PDPK1: variants seen among roughly 807,000 people sequenced by gnomAD.
PDPK1 encodes 3-phosphoinositide dependent protein kinase 1.
A neutral mutation model predicts 39.8 loss-of-function variants in PDPK1; 7 were observed. The ratio of observed to expected loss-of-function variants is 0.18; its 90% confidence interval spans 0.10 to 0.33. PDPK1 has a LOEUF of 0.33. Ranked by LOEUF, PDPK1 falls within the 10% of genes least tolerant of loss-of-function variation. PDPK1 has a pLI of 1.00. For missense variants in PDPK1, 182 were observed against 384.7 expected, an observed-to-expected ratio of 0.47 and a Z score of 4.41; for synonymous variants, 118 against 159.1, an observed-to-expected ratio of 0.74 and a Z score of 1.95.
At chr16:2,569,323 CCT>C (rs2066652546) in intron 6 of PDPK1, 1 of 105,772 alleles carries the variant, frequency 9.5e-6, no homozygotes, top group Non-Finnish European at 2.1e-5. Context: ...ACGGCAAAAC[CCT>C]GTCTCTATAT....
Position 2,538,066 on chromosome 16 carries a change from G to A in PDPK1, c.-47G>A, listed in dbSNP as rs1307391984. Reference sequence around the variant, plus strand: ...GGGAGGAGGACGCTGAGGAGGCGCCGAGCCGCGCAGCGCTGCGGGGGAGGC... The same window carrying A: ...GGGAGGAGGACGCTGAGGAGGCGCCAAGCCGCGCAGCGCTGCGGGGGAGGC... On this transcript the variant is annotated 5_prime_UTR_variant, in exon 1 of 14. Coordinates refer to ENST00000342085, the MANE Select transcript of PDPK1 (RefSeq NM_002613.5). The A allele has an allele frequency of 1.3e-5, 13 of 981,054 alleles. No individual in the cohort carries two copies. The highest frequency in any genetic ancestry group is 6.8e-5 in the East Asian group (1 of 14,760). The allele number at this position is 981,054 out of a possible 1,614,324, so 60.8% of individuals were successfully genotyped here.
At chr16:2,595,100 G>T (rs1170597513) in intron 11 of PDPK1, among the ~76,000 whole-genome samples, 1 of 152,214 alleles carries the variant, frequency 6.6e-6, no homozygotes, top group East Asian at 1.9e-4. Context: ...TCCAGCCTGG[G>T]TGACGGAGCA....
At position 2,538,641 on chromosome 16, in the gene PDPK1, A is replaced by C. The variant is rs1307094980; in HGVS notation, c.24+505A>C. On this transcript the variant is annotated intron_variant, in intron 1 of 13. Coordinates refer to ENST00000342085, the MANE Select transcript of PDPK1 (RefSeq NM_002613.5). The stretch of plus-strand genomic sequence containing the variant: ...CAGATTCTTGATGACAGTGGTCGGG[A>C]AAACTCGCCTTTCACGGCCCGGCCA... The C allele has an allele frequency of 6.2e-6, 8 of 1,289,032 alleles. No homozygotes were observed. In the Admixed American group the frequency reaches 1.8e-4, roughly 30 times the overall value. 79.8% of individuals were successfully genotyped at this position (1,289,032 alleles called of 1,614,324 possible). A position where few individuals can be genotyped will look rare whatever the true frequency, so the allele number is the denominator to read the frequency against.
At chr16:2,588,293 C>G (rs2066918299) in intron 11 of PDPK1, among the ~76,000 whole-genome samples, 1 of 152,166 alleles carries the variant, frequency 6.6e-6, no homozygotes, top group Admixed American at 6.5e-5. Context: ...GAGGAGGGCT[C>G]TTGATGGGAG....
intron 7 of PDPK1, chr16:2,580,081 A>G (rs1433843818): frequency 6.7e-6 from 1 of 149,804 alleles, no homozygotes; most frequent in African/African-American, 2.5e-5. Context: ...TGTGCATTTT[A>G]TAGCTGTTTG....
intron 11 of PDPK1, among the ~76,000 whole-genome samples, chr16:2,587,570 G>C (rs983068601): frequency 1.8e-4 from 28 of 152,052 alleles, no homozygotes; most frequent in African/African-American, 6.5e-4. Flanking sequence ...ATGCAGTGGC[G>C]CGATCTCAGC....
intron 11 of PDPK1, 119 bp downstream of exon 11, chr16:2,587,012 C>T (rs1597062578): frequency 2.4e-6 from 2 of 849,162 alleles, no homozygotes; most frequent in East Asian, 4.9e-5. Context: ...GACGCTTGGC[C>T]AAGGAGCACA....
In PDPK1 at chr16:2,601,685, G is replaced by C. The variant is rs2067218948; in HGVS notation, c.*3918G>C. 10 of 97,690 alleles carry C rather than the reference G, an allele frequency of 1.0e-4. No homozygotes were observed. In the South Asian group the frequency reaches 8.3e-3, roughly 81 times the overall value. The allele number at this position is 97,690 out of a possible 1,614,324, so 6.1% of individuals were successfully genotyped here. A position where few individuals can be genotyped will look rare whatever the true frequency, so the allele number is the denominator to read the frequency against. Reference sequence around the variant, plus strand: ...GATTGGGTTTTACAAGAGTGCATTTGTCTCCCCCTTCCACCCGTGGGGCCC... The same window carrying C: ...GATTGGGTTTTACAAGAGTGCATTTCTCTCCCCCTTCCACCCGTGGGGCCC... On this transcript the variant is annotated 3_prime_UTR_variant, in exon 14 of 14. Coordinates refer to ENST00000342085, the MANE Select transcript of PDPK1 (RefSeq NM_002613.5).
At chr16:2,546,693 T>G (rs2066354577) in intron 1 of PDPK1, among the ~76,000 whole-genome samples, 1 of 152,198 alleles carries the variant, frequency 6.6e-6, no homozygotes. Context: ...CCTACTCTCC[T>G]GGTCTCTTTC....
intron 10 of PDPK1, among the ~76,000 whole-genome samples, chr16:2,585,057 G>A (rs1048390158): frequency 6.6e-6 from 1 of 152,230 alleles, no homozygotes; most frequent in African/African-American, 2.4e-5. Flanking sequence ...TTGCTCCCAG[G>A]GAGGTAGCTG....
intron 11 of PDPK1, among the ~76,000 whole-genome samples, chr16:2,590,123 ATGT>A (rs1188524697): frequency 2.0e-5 from 3 of 151,904 alleles, no homozygotes; most frequent in East Asian, 1.9e-4. Context: ...ATCACGGATG[ATGT>A]TCTTTTTTTT....
rs2142016083 is a variant in PDPK1 at position 2,599,864 on chromosome 16, ACT to A, written c.*2100_*2101del. The A allele has an allele frequency of 4.3e-6, 1 of 233,156 alleles. No homozygotes were observed. The highest frequency in any genetic ancestry group is 6.1e-5 in the East Asian group (1 of 16,524). 14.4% of individuals were successfully genotyped at this position (233,156 alleles called of 1,614,324 possible). On this transcript the variant is annotated 3_prime_UTR_variant, in exon 14 of 14. Coordinates refer to ENST00000342085, the MANE Select transcript of PDPK1 (RefSeq NM_002613.5). ...GCACTCGGCTGGGCTGCTTGGGGAG[ACT>A]CTTCCGTGCGTTCTTCCTCTGGATA...
Position 2,592,465 on chromosome 16 carries a change from T to C in PDPK1, c.1344-3328T>C, listed in dbSNP as rs1046938556. On this transcript the variant is annotated intron_variant, in intron 11 of 13. Coordinates refer to ENST00000342085, the MANE Select transcript of PDPK1 (RefSeq NM_002613.5). Reference sequence around the variant, plus strand: ...ATTTTCTGCAGGAGACAGTAGAAAATCAAGGTGATTGCAGCCTGGCCAACA... The same window carrying C: ...ATTTTCTGCAGGAGACAGTAGAAAACCAAGGTGATTGCAGCCTGGCCAACA... 3 of 296,356 alleles carry C rather than the reference T, an allele frequency of 1.0e-5. No homozygotes were observed. In the Admixed American group the frequency reaches 1.5e-4, roughly 15 times the overall value. The allele number at this position is 296,356 out of a possible 1,614,324, so 18.4% of individuals were successfully genotyped here.
In PDPK1 at chr16:2,602,819, G is replaced by C. The variant is rs1597087060; in HGVS notation, c.*5052G>C. On this transcript the variant is annotated 3_prime_UTR_variant, in exon 14 of 14. Transcript: ENST00000342085. ...TATGAAAACAAATGCAATGATACTAGGATATACACTTTTGTATTTTTATTC... is the reference window on the plus strand; with the variant it reads ...TATGAAAACAAATGCAATGATACTACGATATACACTTTTGTATTTTTATTC... The C allele has an allele frequency of 4.3e-6, 1 of 234,140 alleles. No individual in the cohort carries two copies. Among genetic ancestry groups the C allele is most frequent in the Non-Finnish European group, 8.5e-6 (1 of 117,780 alleles). The allele number at this position is 234,140 out of a possible 1,614,324, so 14.5% of individuals were successfully genotyped here.
At chr16:2,541,054 C>T (rs151127534) in intron 1 of PDPK1, among the ~76,000 whole-genome samples, 2 of 152,166 alleles carry the variant, frequency 1.3e-5, no homozygotes, top group Non-Finnish European at 2.9e-5. Flanking sequence ...GTTGCCCTGA[C>T]AGCCAGTCCA....
chr16:2,590,553 T>C (rs1293013827), intron 11 of PDPK1, among the ~76,000 whole-genome samples: 1 of 152,110 alleles, frequency 6.6e-6, no homozygotes, highest in African/African-American at 2.4e-5. Flanking sequence ...CTTGTGGCTG[T>C]TGGCCTGCTG....
chr16:2,551,698 C>CT (rs1237941347), intron 1 of PDPK1, among the ~76,000 whole-genome samples: 3 of 142,760 alleles, frequency 2.1e-5, no homozygotes, highest in South Asian at 2.2e-4. Flanking sequence ...CGGAGTTTCG[C>CT]TTTTTTTACC....
chr16:2,543,776 C>T (rs2066282924), intron 1 of PDPK1, among the ~76,000 whole-genome samples: 1 of 152,216 alleles, frequency 6.6e-6, no homozygotes, highest in Non-Finnish European at 1.5e-5. Context: ...GGCTGGAGTG[C>T]AGTGGCACGA....
Position 2,597,024 on chromosome 16 carries a change from T to G in PDPK1, c.1402-99T>G. 4 of 846,780 alleles carry G rather than the reference T, an allele frequency of 4.7e-6. No homozygotes were observed. Among genetic ancestry groups the G allele is most frequent in the Non-Finnish European group, 7.1e-6 (4 of 562,538 alleles). The allele number at this position is 846,780 out of a possible 1,614,324, so 52.5% of individuals were successfully genotyped here. On this transcript the variant is annotated intron_variant, in intron 12 of 13. Coordinates refer to ENST00000342085, the MANE Select transcript of PDPK1 (RefSeq NM_002613.5). The surrounding 1 kb of genome is among the most constrained non-coding windows in gnomAD (Gnocchi z 6.3). ...TGCACAGGTGGTGGTGGTGGCCCTG[T>G]GTCCTGAGCAGCTCCGAGGGGCCGC...
Sources: gnomAD v4.1 joint callset for allele counts (sites outside exome capture counted in the v4.1 genomes callset) on GRCh38, gnomAD v4.1.1 for gene constraint, Gnocchi (gnomAD v3.1) non-coding constraint, MANE v1.5 for transcripts, NCBI Gene and HGNC (gene_info 2026-07-23, HGNC 2026-07-21) for gene names.